The following MSRA variants were observed in gnomAD, a reference collection of about 807,000 sequenced individuals.
MSRA encodes the protein methionine sulfoxide reductase A.
Under a neutral mutation model 31.3 loss-of-function variants are expected in MSRA, and 54 were observed. The ratio of observed to expected loss-of-function variants is 1.73; its 90% CI spans 1.39 to 2.17. The LOEUF (loss-of-function observed/expected upper bound fraction) is 2.17. Ranked by LOEUF, MSRA falls within the 30% of genes most tolerant of loss-of-function variation. The probability of loss-of-function intolerance (pLI) is 0.00; values close to 1 mark genes in which losing one functional copy is unlikely to be tolerated. For synonymous variants in MSRA, 169 were observed against 116.5 expected (o/e 1.45, Z -2.90); for missense variants, 507 against 300.9 (o/e 1.69, Z -5.07).
chr8:10,340,863 T>G (rs1040111105), intron 5 of MSRA, among the ~76,000 whole-genome samples: 2 of 152,258 alleles, frequency 1.3e-5, no homozygotes, highest in African/African-American at 4.8e-5. Context: ...ACTTGGTCCC[T>G]ACTTGTCTTC....
At chr8:10,070,736 A>G (rs1453183133) in intron 1 of MSRA, among the ~76,000 whole-genome samples, 2 of 152,248 alleles carry the variant, frequency 1.3e-5, no homozygotes, top group Non-Finnish European at 2.9e-5. Context: ...AGGATTTTAC[A>G]TAAACGATGT....
At chr8:10,250,770 G>T in intron 3 of MSRA, 1 of 343,190 alleles carries the variant, frequency 2.9e-6, no homozygotes, top group Non-Finnish European at 5.3e-6. Flanking sequence ...CCTGTCCTGA[G>T]CCCGTTTCCT....
At chr8:10,265,529 G>C (rs534873176) in intron 3 of MSRA, among the ~76,000 whole-genome samples, 1 of 152,338 alleles carries the variant, frequency 6.6e-6, no homozygotes, top group East Asian at 1.9e-4. Flanking sequence ...TTGTCAGGCA[G>C]CTAGCCCATA....
intron 5 of MSRA, among the ~76,000 whole-genome samples, chr8:10,426,177 G>GCC (rs557664322): frequency 2.7e-4 from 41 of 152,298 alleles, no homozygotes; most frequent in African/African-American, 9.6e-4. Flanking sequence ...CTGTTAGTTA[G>GCC]CCAACCCCAC....
Position 10,404,415 on chromosome 8 carries a change from C to G in MSRA, c.544-23733C>G, listed in dbSNP as rs192092054. Among the ~76,000 whole-genome samples the G allele has an allele frequency of 5.0e-4, 76 of 152,370 alleles. 1 individual carries two copies. The highest frequency in any genetic ancestry group is 1.7e-3 in the African/African-American group (72 of 41,592). On this transcript the variant is annotated intron_variant, in intron 5 of 5. Transcript: ENST00000317173. The stretch of plus-strand genomic sequence containing the variant: ...ACGATCCCGTCACCACCCCCCAACC[C>G]TCCGTGGGGAGGGGCAGGCGGGTGT...
chr8:10,411,361 T>G (rs989666059), intron 5 of MSRA: 7 of 152,240 alleles, frequency 4.6e-5, no homozygotes, highest in African/African-American at 1.4e-4. Flanking sequence ...TCTCTCTGTC[T>G]TGAGCTTCAC....
At chr8:10,143,749 A>C (rs1162862596) in intron 1 of MSRA, among the ~76,000 whole-genome samples, 1 of 152,158 alleles carries the variant, frequency 6.6e-6, no homozygotes, top group African/African-American at 2.4e-5. Flanking sequence ...TGCCCATGGG[A>C]AGGGCAAGCA....
chr8:10,416,016 G>A (rs192134172), intron 5 of MSRA, among the ~76,000 whole-genome samples: 2 of 152,206 alleles, frequency 1.3e-5, no homozygotes, highest in African/African-American at 4.8e-5. Context: ...TGACCCTCTG[G>A]GTGGGGGACA....
intron 2 of MSRA, among the ~76,000 whole-genome samples, chr8:10,217,599 C>T (rs1003278323): frequency 1.3e-5 from 2 of 152,184 alleles, no homozygotes; most frequent in Non-Finnish European, 2.9e-5. Flanking sequence ...CGCTCAGCTT[C>T]CACAGGTCTC....
chr8:10,310,955 A>G (rs1438244721), intron 4 of MSRA, among the ~76,000 whole-genome samples: 1 of 152,236 alleles, frequency 6.6e-6, no homozygotes, highest in Non-Finnish European at 1.5e-5. Context: ...GCTTTTGAAA[A>G]CTTTTAGCCA....
intron 4 of MSRA, among the ~76,000 whole-genome samples, chr8:10,316,019 G>C (rs1361808410): frequency 6.6e-6 from 1 of 152,138 alleles, no homozygotes; most frequent in Non-Finnish European, 1.5e-5. Flanking sequence ...CTGAAAATCA[G>C]GATCTTTCAT....
intron 1 of MSRA, among the ~76,000 whole-genome samples, chr8:10,167,729 A>G (rs541123981): frequency 4.6e-5 from 7 of 152,282 alleles, no homozygotes; most frequent in Admixed American, 3.3e-4. Flanking sequence ...TGAAACCTCC[A>G]TGATGTCAAA....
At chr8:10,155,277 G>T (rs1804054576) in intron 1 of MSRA, among the ~76,000 whole-genome samples, 1 of 152,244 alleles carries the variant, frequency 6.6e-6, no homozygotes, top group South Asian at 2.1e-4. Context: ...GTGAATTGAT[G>T]TGTTGGACAC....
At chr8:10,059,274 G>A (rs1157693433) in intron 1 of MSRA, among the ~76,000 whole-genome samples, 1 of 152,214 alleles carries the variant, frequency 6.6e-6, no homozygotes, top group Non-Finnish European at 1.5e-5. Context: ...CTTGTTAAGT[G>A]TCTTGTATGC....
chr8:10,237,410 A>G (rs1279841748), intron 2 of MSRA, among the ~76,000 whole-genome samples: 3 of 152,262 alleles, frequency 2.0e-5, no homozygotes, highest in African/African-American at 7.2e-5. Context: ...TGTTGACTAA[A>G]TTTACAAATA....
intron 3 of MSRA, among the ~76,000 whole-genome samples, chr8:10,258,484 A>G (rs1420363347): frequency 6.6e-6 from 1 of 152,160 alleles, no homozygotes; most frequent in African/African-American, 2.4e-5. Context: ...TGACACCTGG[A>G]GCAGGCCTTG....
intron 1 of MSRA, among the ~76,000 whole-genome samples, chr8:10,164,709 G>T (rs914335572): frequency 3.3e-5 from 5 of 152,052 alleles, no homozygotes; most frequent in Non-Finnish European, 5.9e-5. Context: ...TCCTTTCCCT[G>T]TAGAATAGTC....
intron 2 of MSRA, among the ~76,000 whole-genome samples, chr8:10,240,123 A>C (rs903518970): frequency 1.3e-5 from 2 of 152,212 alleles, no homozygotes; most frequent in African/African-American, 4.8e-5. Context: ...AGGAAAGTCA[A>C]ACACGTGCCA....
At chr8:10,171,814 C>A (rs1175787359) in intron 1 of MSRA, among the ~76,000 whole-genome samples, 1 of 152,178 alleles carries the variant, frequency 6.6e-6, no homozygotes, top group East Asian at 1.9e-4. Flanking sequence ...TCTAATAATT[C>A]TGTTAACAAC....
Sources: gnomAD v4.1 joint callset for allele counts (sites outside exome capture counted in the v4.1 genomes callset) on GRCh38, gnomAD v4.1.1 for gene constraint, MANE v1.5 for transcripts, NCBI Gene and HGNC (gene_info 2026-07-23, HGNC 2026-07-21) for gene names.